Variants in DCAF8L2 observed in about 807,000 individuals in gnomAD.
DCAF8L2 encodes DDB1- and CUL4-associated factor 8-like protein 2.
For missense variants in DCAF8L2, 430 were observed against 490.7 expected, an observed-to-expected ratio of 0.88 and a Z score of 1.17; for synonymous variants, 200 against 190.9, an observed-to-expected ratio of 1.05 and a Z score of -0.39.
At chrX:27,540,621 A>C in the DCAF8L2 span, among the ~76,000 whole-genome samples, 1 of 111,700 alleles carries the variant, frequency 9.0e-6, no homozygotes, top group Non-Finnish European at 1.9e-5. Context: ...ATATAAGTAC[A>C]ATTAGATAGG....
intron 2 of DCAF8L2, among the ~76,000 whole-genome samples, chrX:27,660,920 G>T (rs2147212148): frequency 8.9e-6 from 1 of 112,141 alleles, no homozygotes; most frequent in South Asian, 3.7e-4. Context: ...ATTCCAGCTG[G>T]TTTTCCTATA....
chrX:27,676,840 C>T (rs1365465919), intron 2 of DCAF8L2: 6 of 111,500 alleles, frequency 5.4e-5, no homozygotes, highest in African/African-American at 2.0e-4. Flanking sequence ...TTTGCATCCC[C>T]CGGGGACAAG....
intron 4 of DCAF8L2, among the ~76,000 whole-genome samples, chrX:27,739,130 T>C (rs769922108): frequency 9.0e-5 from 10 of 111,203 alleles, no homozygotes; most frequent in Non-Finnish European, 1.7e-4. Context: ...TGACCCCATT[T>C]CCCTTTGTTG....
intron 4 of DCAF8L2, among the ~76,000 whole-genome samples, chrX:27,722,009 A>C (rs1931915608): frequency 8.9e-6 from 1 of 111,787 alleles, no homozygotes; most frequent in South Asian, 3.6e-4. Flanking sequence ...AGAAAGCTGA[A>C]ATATATTAAA....
At chrX:27,667,158 G>A (rs1033962615) in intron 2 of DCAF8L2, among the ~76,000 whole-genome samples, 5 of 110,816 alleles carry the variant, frequency 4.5e-5, no homozygotes, top group African/African-American at 1.3e-4. Flanking sequence ...GGTGTTAAAG[G>A]AACGATACAA....
At chrX:27,574,021 G>A in the DCAF8L2 span, among the ~76,000 whole-genome samples, 1 of 110,046 alleles carries the variant, frequency 9.1e-6, no homozygotes, top group African/African-American at 3.3e-5. Flanking sequence ...ATAGTAACAA[G>A]GTCTCCCTGT....
intron 1 of DCAF8L2, among the ~76,000 whole-genome samples, chrX:27,628,520 A>C (rs1162112415): frequency 4.5e-5 from 5 of 110,476 alleles, no homozygotes; most frequent in Admixed American, 9.5e-5. Flanking sequence ...TTTCTCCATT[A>C]TGACTGTACC....
chrX:27,630,500 G>A (rs1311479175), intron 1 of DCAF8L2, among the ~76,000 whole-genome samples: 1 of 107,150 alleles, frequency 9.3e-6, no homozygotes, highest in Non-Finnish European at 1.9e-5. Flanking sequence ...GAGAGGGGGA[G>A]ACTGCCAAAC....
At chrX:27,622,298 A>G (rs752302047) in intron 1 of DCAF8L2, among the ~76,000 whole-genome samples, 6,384 of 93,299 alleles carry the variant, frequency 0.068, 1,010 homozygotes, top group African/African-American at 0.27. Context: ...AGTGGCGGAC[A>G]CCTGTATTCC....
At chrX:27,511,614 A>G in the DCAF8L2 span, among the ~76,000 whole-genome samples, 1 of 112,430 alleles carries the variant, frequency 8.9e-6, no homozygotes, top group Admixed American at 9.5e-5. Flanking sequence ...CTTCTATTCA[A>G]GATCTGAACT....
chrX:27,641,630 C>T (rs1928728521), intron 2 of DCAF8L2, among the ~76,000 whole-genome samples: 1 of 109,780 alleles, frequency 9.1e-6, no homozygotes, highest in East Asian at 2.9e-4. Context: ...TGCCAACATG[C>T]CCAGCTAACT....
At chrX:27,548,618 G>T in the DCAF8L2 span, among the ~76,000 whole-genome samples, 1 of 111,722 alleles carries the variant, frequency 9.0e-6, no homozygotes, top group Non-Finnish European at 1.9e-5. Context: ...GATAATTTAT[G>T]TAAGCAAAAC....
intron 2 of DCAF8L2, among the ~76,000 whole-genome samples, chrX:27,672,128 TAA>T (rs2147227971): frequency 8.9e-6 from 1 of 111,973 alleles, no homozygotes; most frequent in Non-Finnish European, 1.9e-5. Flanking sequence ...TTCACATATA[TAA>T]AGATTCCATA....
intron 3 of DCAF8L2, among the ~76,000 whole-genome samples, chrX:27,683,555 C>A (rs1343160352): frequency 8.9e-6 from 1 of 112,216 alleles, no homozygotes; most frequent in Non-Finnish European, 1.9e-5. Flanking sequence ...AAGATCCTTT[C>A]AAATCCCTTT....
chrX:27,488,621 G>A, the DCAF8L2 span, among the ~76,000 whole-genome samples: 4 of 104,546 alleles, frequency 3.8e-5, no homozygotes, highest in Admixed American at 1.1e-4. Flanking sequence ...AGATGTACAC[G>A]CATATTTGTC....
At chrX:27,514,632 G>T in the DCAF8L2 span, among the ~76,000 whole-genome samples, 1 of 75,074 alleles carries the variant, frequency 1.3e-5, no homozygotes, top group Non-Finnish European at 2.3e-5. Context: ...TCCCGCCACT[G>T]CACTCCAGCC....
chrX:27,622,867 A>G (rs1212615886), intron 1 of DCAF8L2, among the ~76,000 whole-genome samples: 1 of 111,124 alleles, frequency 9.0e-6, no homozygotes, highest in African/African-American at 3.3e-5. Flanking sequence ...ATCAAGCAGA[A>G]GTTCACTGTA....
At chrX:27,690,068 C>T (rs191759286) in intron 3 of DCAF8L2, among the ~76,000 whole-genome samples, 372 of 111,157 alleles carry the variant, frequency 3.3e-3, no homozygotes, top group African/African-American at 0.012. Flanking sequence ...CACTGTTTGT[C>T]AGTAGGGGAT....
the DCAF8L2 span, among the ~76,000 whole-genome samples, chrX:27,538,827 G>C: frequency 8.9e-6 from 1 of 112,156 alleles, no homozygotes; most frequent in Non-Finnish European, 1.9e-5. Context: ...AGAGAGAAGA[G>C]ACTTTTGAAA....
Sources: allele counts gnomAD v4.1 joint callset (sites outside exome capture counted in the v4.1 genomes callset), GRCh38; gene constraint gnomAD v4.1.1; transcripts MANE v1.5; gene names NCBI Gene and HGNC (gene_info 2026-07-23, HGNC 2026-07-21).